The following CA10 variants were observed in gnomAD, a reference collection of about 807,000 sequenced individuals.
The protein encoded by CA10 is carbonic anhydrase 10 (inactive), also known as carbonic anhydrase-related protein 10.
In CA10, 14 loss-of-function variants were observed where a neutral mutation model predicts 44.2. That is an observed-to-expected ratio of 0.32 (90% CI 0.21 to 0.50). The LOEUF (loss-of-function observed/expected upper bound fraction) is 0.50. Among genes scored for constraint, CA10 ranks in the 20% least tolerant of loss-of-function variants. CA10 has a pLI of 0.99. For synonymous variants in CA10, 159 were observed against 141.6 expected (o/e 1.12, Z -0.87); for missense variants, 350 against 409.7 (o/e 0.85, Z 1.26).
intron 2 of CA10, among the ~76,000 whole-genome samples, chr17:51,944,754 A>T (rs1314029264): frequency 6.6e-6 from 1 of 152,184 alleles, no homozygotes; most frequent in Non-Finnish European, 1.5e-5. Context: ...ATTAACATAC[A>T]TGTATATTCC....
chr17:51,765,148 T>C (rs1294994190), intron 3 of CA10, among the ~76,000 whole-genome samples: 6 of 151,896 alleles, frequency 4.0e-5, no homozygotes, highest in African/African-American at 7.3e-5. Flanking sequence ...CATTTTGGGG[T>C]TGGGGGGAGA....
At chr17:52,090,879 G>T (rs940147589) in intron 1 of CA10, among the ~76,000 whole-genome samples, 1 of 152,138 alleles carries the variant, frequency 6.6e-6, no homozygotes, top group Non-Finnish European at 1.5e-5. Context: ...TTAAAGGAAA[G>T]ATAAGTGGAT....
intron 1 of CA10, among the ~76,000 whole-genome samples, chr17:52,154,830 G>A (rs901452942): frequency 1.3e-5 from 2 of 152,282 alleles, no homozygotes; most frequent in Admixed American, 1.3e-4. Flanking sequence ...TGGCCAAACA[G>A]TCTCATTTTC....
chr17:52,116,106 G>T (rs1243972965), intron 1 of CA10, among the ~76,000 whole-genome samples: 1 of 147,752 alleles, frequency 6.8e-6, no homozygotes, highest in Non-Finnish European at 1.5e-5. Flanking sequence ...AAAAAAAAAA[G>T]TTTCTCTCCC....
chr17:51,816,160 G>T (rs570972726), intron 3 of CA10, among the ~76,000 whole-genome samples: 2 of 152,114 alleles, frequency 1.3e-5, no homozygotes, highest in Non-Finnish European at 2.9e-5. Context: ...AAATAAGTGA[G>T]GACATGCAAT....
At chr17:51,742,094 T>G (rs1904486334) in intron 4 of CA10, among the ~76,000 whole-genome samples, 1 of 152,110 alleles carries the variant, frequency 6.6e-6, no homozygotes, top group African/African-American at 2.4e-5. Flanking sequence ...CACAGGATCC[T>G]CTGGAAGTCA....
intron 3 of CA10, among the ~76,000 whole-genome samples, chr17:51,764,883 C>T (rs1905315784): frequency 6.6e-6 from 1 of 152,172 alleles, no homozygotes; most frequent in African/African-American, 2.4e-5. Flanking sequence ...CATCCCCATT[C>T]TCATTTCTAA....
intron 2 of CA10, among the ~76,000 whole-genome samples, chr17:51,976,968 G>A (rs1237809807): frequency 2.0e-5 from 3 of 151,826 alleles, no homozygotes; most frequent in South Asian, 2.1e-4. Flanking sequence ...GATTAAACGG[G>A]CAGATTCCAT....
intron 3 of CA10, among the ~76,000 whole-genome samples, chr17:51,922,595 A>T (rs1200828330): frequency 6.6e-6 from 1 of 152,112 alleles, no homozygotes; most frequent in Non-Finnish European, 1.5e-5. Context: ...ATTATTTCTC[A>T]TAAAATTCCC....
At chr17:51,778,118 G>A (rs924842408) in intron 3 of CA10, among the ~76,000 whole-genome samples, 4 of 152,156 alleles carry the variant, frequency 2.6e-5, no homozygotes, top group Non-Finnish European at 5.9e-5. Flanking sequence ...AGTAAAGAGA[G>A]CTGTCTTGGG....
chr17:51,922,203 G>A (rs1218179236), intron 3 of CA10, among the ~76,000 whole-genome samples: 1 of 152,160 alleles, frequency 6.6e-6, no homozygotes, highest in East Asian at 1.9e-4. Flanking sequence ...TTTTACAAAT[G>A]AGGAAACTGA....
intron 1 of CA10, among the ~76,000 whole-genome samples, chr17:52,112,243 A>G (rs1046272714): frequency 6.6e-6 from 1 of 152,156 alleles, no homozygotes; most frequent in African/African-American, 2.4e-5. Flanking sequence ...GTTCTCTCTC[A>G]CATGTATTAA....
At chr17:51,876,672 G>A (rs1047944621) in intron 3 of CA10, among the ~76,000 whole-genome samples, 5 of 152,058 alleles carry the variant, frequency 3.3e-5, no homozygotes, top group Admixed American at 2.0e-4. Flanking sequence ...ATGTTGGGGG[G>A]CAAAATTGAC....
At chr17:52,049,614 G>A in intron 2 of CA10, among the ~76,000 whole-genome samples, 1 of 151,990 alleles carries the variant, frequency 6.6e-6, no homozygotes, top group Non-Finnish European at 1.5e-5. Flanking sequence ...TCTTTTGTTT[G>A]AAAGCTATAT....
chr17:51,978,394 G>A (rs1957354159), intron 2 of CA10, among the ~76,000 whole-genome samples: 2 of 151,678 alleles, frequency 1.3e-5, no homozygotes, highest in Non-Finnish European at 2.9e-5. Flanking sequence ...GTGTGTGTGT[G>A]TGTGTGTGTG....
chr17:51,892,680 T>C (rs1286238424), intron 3 of CA10, among the ~76,000 whole-genome samples: 1 of 152,180 alleles, frequency 6.6e-6, no homozygotes, highest in African/African-American at 2.4e-5. Context: ...GTTGGTGTGT[T>C]ACTATTCTGG....
Position 52,157,922 on chromosome 17 carries a change from C to T in CA10, c.-136G>A. 1 of 742,100 alleles carries T rather than the reference C, an allele frequency of 1.3e-6. No homozygotes were observed. The highest frequency in any genetic ancestry group is 2.5e-5 in the East Asian group (1 of 40,636). The allele number at this position is 742,100 out of a possible 1,614,324, so 46.0% of individuals were successfully genotyped here. ...ACTCGCACTCCCACCCGACAGCCGG[C>T]CAGGGACAGTCACCCCCAAGATCAA... On this transcript the variant is annotated 5_prime_UTR_variant, in exon 1 of 9. Transcript: ENST00000451037.
chr17:51,837,410 T>C (rs1281069236), intron 3 of CA10, among the ~76,000 whole-genome samples: 3 of 152,318 alleles, frequency 2.0e-5, no homozygotes, highest in South Asian at 2.1e-4. Flanking sequence ...GATGGATGGA[T>C]TAAGTACATA....
At chr17:52,133,543 A>C (rs1285084052) in intron 1 of CA10, among the ~76,000 whole-genome samples, 1 of 152,194 alleles carries the variant, frequency 6.6e-6, no homozygotes, top group Admixed American at 6.5e-5. Flanking sequence ...ACAGTTGCAT[A>C]TCAGAAACTG....
Sources: gnomAD v4.1 joint callset for allele counts (sites outside exome capture counted in the v4.1 genomes callset) on GRCh38, gnomAD v4.1.1 for gene constraint, MANE v1.5 for transcripts, NCBI Gene and HGNC (gene_info 2026-07-23, HGNC 2026-07-21) for gene names.